The following NOTCH2 variants were observed in gnomAD, a reference collection of about 807,000 sequenced individuals.
The protein encoded by NOTCH2 is notch receptor 2.
A neutral mutation model predicts 235.8 loss-of-function variants in NOTCH2; 29 were observed. The ratio of observed to expected loss-of-function variants is 0.12; its 90% CI spans 0.09 to 0.17. The LOEUF is 0.17. Among genes scored for constraint, NOTCH2 ranks in the 10% least tolerant of loss-of-function variants. The probability of loss-of-function intolerance (pLI) is 1.00; values close to 1 mark genes in which losing one functional copy is unlikely to be tolerated. For missense variants in NOTCH2, 2,285 were observed against 3,150.2 expected, an observed-to-expected ratio of 0.73 and a Z score of 6.57; for synonymous variants, 1,086 against 1,141.5, an observed-to-expected ratio of 0.95 and a Z score of 0.98.
chr1:119,985,019 A>T (rs1371177228), intron 5 of NOTCH2, among the ~76,000 whole-genome samples: 1 of 152,178 alleles, frequency 6.6e-6, no homozygotes, highest in African/African-American at 2.4e-5. Context: ...CAGGATGTGA[A>T]GCACTATGCA....
chr1:119,996,590 G>T (rs2691745), intron 4 of NOTCH2: 1 of 811,360 alleles, frequency 1.2e-6, no homozygotes, highest in Non-Finnish European at 2.2e-6. Flanking sequence ...AAGCACATAG[G>T]AAAGTTGATC....
intron 3 of NOTCH2, among the ~76,000 whole-genome samples, chr1:120,003,205 C>T: frequency 6.6e-6 from 1 of 152,070 alleles, no homozygotes; most frequent in East Asian, 1.9e-4. Context: ...CATCTTTTTC[C>T]CGTGCTGGAT....
chr1:119,935,858 C>T (rs1553195680), intron 21 of NOTCH2, among the ~76,000 whole-genome samples: 1 of 152,212 alleles, frequency 6.6e-6, no homozygotes, highest in East Asian at 1.9e-4. Flanking sequence ...GGACTGAATA[C>T]AATGAAGGAT....
intron 1 of NOTCH2, among the ~76,000 whole-genome samples, chr1:120,034,366 A>T (rs587762301): frequency 4.5e-4 from 59 of 130,104 alleles, no homozygotes; most frequent in Middle Eastern, 4.0e-3. Context: ...AAGCAAAAAG[A>T]AGTAGTAGAT....
intron 17 of NOTCH2, among the ~76,000 whole-genome samples, chr1:119,945,922 T>A (rs1427102789): frequency 1.3e-5 from 2 of 152,000 alleles, no homozygotes; most frequent in African/African-American, 4.8e-5. Flanking sequence ...GAACACTGTA[T>A]GAAAAAAATC....
At chr1:119,922,570 GA>G in intron 27 of NOTCH2, 65 bp downstream of exon 27, 1 of 1,610,532 alleles carries the variant, frequency 6.2e-7, no homozygotes, top group Non-Finnish European at 8.5e-7. Flanking sequence ...GCTACATAAT[GA>G]AAATTGTTCC....
chr1:120,011,815 G>A (rs1374109511), intron 2 of NOTCH2, among the ~76,000 whole-genome samples: 1 of 151,774 alleles, frequency 6.6e-6, no homozygotes. Flanking sequence ...AGGAGATCGA[G>A]ACCATCCTGG....
intron 5 of NOTCH2, among the ~76,000 whole-genome samples, chr1:119,985,524 C>A (rs781830604): frequency 6.6e-6 from 1 of 152,140 alleles, no homozygotes; most frequent in African/African-American, 2.4e-5. Flanking sequence ...CGAACAAAAA[C>A]CAGCAACAAT....
intron 13 of NOTCH2, among the ~76,000 whole-genome samples, chr1:119,953,947 T>C (rs1308392475): frequency 6.6e-6 from 1 of 152,228 alleles, no homozygotes; most frequent in Non-Finnish European, 1.5e-5. Context: ...CAATGGTTTC[T>C]ACAATATATT....
intron 2 of NOTCH2, among the ~76,000 whole-genome samples, chr1:120,016,090 TA>T (rs1653442072): frequency 7.3e-6 from 1 of 136,058 alleles, no homozygotes; most frequent in Non-Finnish European, 1.6e-5. Context: ...ACACACTTTC[TA>T]GTGTAGTTTT....
At chr1:120,056,093 G>GA (rs1464827630) in intron 1 of NOTCH2, among the ~76,000 whole-genome samples, 1 of 54,878 alleles carries the variant, frequency 1.8e-5, no homozygotes, top group East Asian at 4.6e-4. Context: ...GAGCATAGTG[G>GA]AAAAATCACT....
In NOTCH2 at chr1:119,925,639, G is replaced by C. The variant is rs760072707; in HGVS notation, c.4177C>G (p.Arg1393Gly). 1 of 1,613,066 alleles carries C rather than the reference G, an allele frequency of 6.2e-7. No homozygotes were observed. Among genetic ancestry groups the C allele is most frequent in the Non-Finnish European group, 8.5e-7 (1 of 1,179,160 alleles). The change falls in exon 25 of 34, where the codon CGC (arginine) becomes GGC (glycine). Residue 1393 changes from arginine (R) to glycine (G), a missense_variant. Arg to Gly is a moderately radical substitution (Grantham distance 125). Transcript: ENST00000256646. ...TGGCAGGAGTAATAAGGAGGCTGGC[G>C]CTGAGGGTGGCAGCTGCCCCCGTGC... ...CQHGGSCHPQ[R>G]QPPYYSCQCA...
chr1:120,024,899 A>G (rs1653782218), intron 2 of NOTCH2, among the ~76,000 whole-genome samples: 1 of 150,678 alleles, frequency 6.6e-6, no homozygotes, highest in South Asian at 2.1e-4. Context: ...CTCTGGACAA[A>G]ATATCAAAGG....
At chr1:119,958,513 A>G (rs1553198631) in intron 12 of NOTCH2, among the ~76,000 whole-genome samples, 1 of 152,196 alleles carries the variant, frequency 6.6e-6, no homozygotes, top group East Asian at 1.9e-4. Context: ...GGAAATTATT[A>G]AAGGGTAACA....
At position 119,916,505 on chromosome 1, in the gene NOTCH2, C is replaced by G. The variant is rs958128432; in HGVS notation, c.6217G>C (p.Gly2073Arg). The G allele has an allele frequency of 2.5e-6, 4 of 1,612,518 alleles. No individual in the cohort carries two copies. The highest frequency in any genetic ancestry group is 3.4e-6 in the Non-Finnish European group (4 of 1,178,612). ...DEYNVTPSPP[G>R]TVLTSALSPV... ...GAGAGAGCAGAAGTCAACACGGTGC[C>G]TGGAGGGCTTGGGGTCACATTGTAT... The change falls in exon 34 of 34, where the codon GGC (glycine) becomes CGC (arginine). Residue 2073 changes from glycine to arginine, a missense_variant. Around this residue, in one of 6 missense-constraint regions of NOTCH2, gnomAD observed 504 missense variants for 538.0 expected, o/e 0.94. Coordinates refer to ENST00000256646, the MANE Select transcript of NOTCH2 (RefSeq NM_024408.4).
intron 1 of NOTCH2, 76 bp from the exon 2 acceptor site, chr1:120,030,063 A>G (rs1654033578): frequency 1.8e-6 from 1 of 556,274 alleles, no homozygotes; most frequent in Admixed American, 3.1e-5. Flanking sequence ...GTGTAATCCA[A>G]TCCAGATCAG....
At chr1:119,971,846 TGA>T (rs1553200393) in intron 5 of NOTCH2, among the ~76,000 whole-genome samples, 1 of 152,228 alleles carries the variant, frequency 6.6e-6, no homozygotes, top group African/African-American at 2.4e-5. Flanking sequence ...ATAGCCATTC[TGA>T]GAGATGCCTC....
rs781798116 is a variant in NOTCH2 at position 120,005,339 on chromosome 1, G to A, written c.405C>T (p.Val135=). The change falls in exon 3 of 34, where the codon GTC becomes GTT. Residue 135 remains valine, a synonymous_variant. Coordinates refer to ENST00000256646, the MANE Select transcript of NOTCH2 (RefSeq NM_024408.4). ...GGTCTCATTAGTTACCTGTAAACCCGACTTGACAGGTGCACTCATAGGTAT... is the reference window on the plus strand; with the variant it reads ...GGTCTCATTAGTTACCTGTAAACCCAACTTGACAGGTGCACTCATAGGTAT... The part of the protein sequence containing the change: ...SRDTYECTCQ[V]GFTGKECQWT... 10 of 1,613,890 alleles carry A rather than the reference G, an allele frequency of 6.2e-6. No individual in the cohort carries two copies. Among genetic ancestry groups the A allele is most frequent in the South Asian group, 2.2e-5 (2 of 91,076 alleles).
chr1:119,961,237 T>C (rs1262850885), intron 11 of NOTCH2, among the ~76,000 whole-genome samples: 3 of 152,208 alleles, frequency 2.0e-5, no homozygotes, highest in Admixed American at 2.0e-4. Flanking sequence ...TTAATGAGGC[T>C]ATACTGCCTA....
Sources: gnomAD v4.1 joint callset for allele counts (sites outside exome capture counted in the v4.1 genomes callset) on GRCh38, gnomAD v4.1.1 for gene constraint, gnomAD v4.1.1 regional missense constraint, MANE v1.5 for transcripts, NCBI Gene and HGNC (gene_info 2026-07-23, HGNC 2026-07-21) for gene names.